Variants in CCDC148 observed in about 807,000 individuals in gnomAD.
The protein encoded by CCDC148 is coiled-coil domain containing 148, also known as coiled-coil domain-containing protein 148.
In CCDC148, 89 loss-of-function variants were observed where a neutral mutation model predicts 85.7. The observed-to-expected ratio is 1.04, with a 90% CI of 0.87 to 1.24. The LOEUF (loss-of-function observed/expected upper bound fraction) is 1.24, where lower values mean the gene tolerates loss of function less well. Ranked by LOEUF, CCDC148 falls within the 50% of genes most tolerant of loss-of-function variation. The pLI is 0.00. For synonymous variants in CCDC148, 230 were observed against 213.9 expected (o/e 1.08, Z -0.66); for missense variants, 692 against 671.7 (o/e 1.03, Z -0.33).
At chr2:158,366,670 T>C (rs1684219073) in intron 1 of CCDC148, among the ~76,000 whole-genome samples, 1 of 152,186 alleles carries the variant, frequency 6.6e-6, no homozygotes, top group Non-Finnish European at 1.5e-5. Flanking sequence ...TAGGACACTC[T>C]GATACATAAT....
intron 1 of CCDC148, among the ~76,000 whole-genome samples, chr2:158,383,695 G>A (rs1379846297): frequency 6.6e-6 from 1 of 152,150 alleles, no homozygotes; most frequent in Non-Finnish European, 1.5e-5. Flanking sequence ...GAGGAAAACT[G>A]TTGCCCTGAT....
chr2:158,447,279 C>T (rs899966419), intron 1 of CCDC148: 1 of 152,380 alleles, frequency 6.6e-6, no homozygotes, highest in Admixed American at 6.5e-5. Flanking sequence ...ACCTGAGCTG[C>T]TTCACCTCTC....
intron 1 of CCDC148, among the ~76,000 whole-genome samples, chr2:158,426,492 T>C (rs1405053244): frequency 6.6e-6 from 1 of 152,176 alleles, no homozygotes; most frequent in Admixed American, 6.5e-5. Flanking sequence ...TTAATGTTGA[T>C]CCAAGTGTTC....
At chr2:158,219,419 T>C (rs1258513280) in intron 11 of CCDC148, among the ~76,000 whole-genome samples, 1 of 152,186 alleles carries the variant, frequency 6.6e-6, no homozygotes, top group Non-Finnish European at 1.5e-5. Context: ...TATCTATCCC[T>C]ACAACTGGCA....
Position 158,309,416 on chromosome 2 carries a change from C to A in CCDC148, c.1110+17G>T, listed in dbSNP as rs375049955. ...AAATATCCAGACAAATACTGAAACA[C>A]CTGTGCAGCATCTTACCTTGGCTTT... On this transcript the variant is annotated intron_variant, in intron 9 of 13. Coordinates refer to ENST00000283233, the MANE Select transcript of CCDC148 (RefSeq NM_138803.4). The A allele has an allele frequency of 3.1e-6, 5 of 1,597,208 alleles. No individual in the cohort carries two copies. The East Asian group carries it at 6.7e-5, about 21-fold the overall frequency.
At chr2:158,368,651 C>A (rs1007285911) in intron 1 of CCDC148, among the ~76,000 whole-genome samples, 12 of 151,936 alleles carry the variant, frequency 7.9e-5, no homozygotes, top group African/African-American at 2.9e-4. Flanking sequence ...TAAGAAATTT[C>A]TTATAGCACA....
At chr2:158,234,318 G>T (rs956353525) in intron 10 of CCDC148, among the ~76,000 whole-genome samples, 2 of 152,098 alleles carry the variant, frequency 1.3e-5, no homozygotes, top group South Asian at 2.1e-4. Context: ...ATCCTGCCTG[G>T]TTATTTGAAC....
intron 10 of CCDC148, among the ~76,000 whole-genome samples, chr2:158,250,051 T>C (rs1258602999): frequency 2.6e-5 from 4 of 152,138 alleles, no homozygotes; most frequent in Non-Finnish European, 4.4e-5. Context: ...ATGGTTCATA[T>C]ATCTGATTAA....
intron 9 of CCDC148, among the ~76,000 whole-genome samples, chr2:158,294,856 T>C (rs1691099597): frequency 6.6e-6 from 1 of 151,284 alleles, no homozygotes; most frequent in African/African-American, 2.4e-5. Context: ...TGCCAAAATG[T>C]TGCACAAAGT....
At chr2:158,404,863 A>G (rs544518439) in intron 1 of CCDC148, among the ~76,000 whole-genome samples, 5 of 152,280 alleles carry the variant, frequency 3.3e-5, no homozygotes, top group South Asian at 2.1e-4. Flanking sequence ...CTGAAAACTT[A>G]TAAGAGTGGA....
intron 7 of CCDC148, among the ~76,000 whole-genome samples, chr2:158,330,499 G>C (rs1223235315): frequency 6.6e-6 from 1 of 152,172 alleles, no homozygotes; most frequent in East Asian, 1.9e-4. Context: ...GCAGGCTTTG[G>C]TATCAGGATG....
intron 11 of CCDC148, among the ~76,000 whole-genome samples, chr2:158,190,130 G>A (rs193232843): frequency 2.6e-3 from 389 of 151,976 alleles, no homozygotes; most frequent in African/African-American, 8.9e-3. Flanking sequence ...TGAATTACTG[G>A]AGAACAAATC....
rs544954666 is a variant in CCDC148 at position 158,285,008 on chromosome 2, C to T, written c.1110+24425G>A. 7.9e-5 allele frequency among the ~76,000 whole-genome samples: 12 copies of T among 152,246 alleles called. No homozygotes were observed. The East Asian group carries it at 2.3e-3, about 29-fold the overall frequency. ...GATATTAAGAATTCAGTGCATTAGG[C>T]TGGGCGTGGTGGCTCATACTTGTAA... On this transcript the variant is annotated intron_variant, in intron 9 of 13. Transcript: ENST00000283233.
At chr2:158,388,788 C>T (rs1472266475) in intron 1 of CCDC148, among the ~76,000 whole-genome samples, 1 of 152,170 alleles carries the variant, frequency 6.6e-6, no homozygotes, top group Admixed American at 6.5e-5. Flanking sequence ...AGCCACCACA[C>T]TGGCCTCTTT....
chr2:158,199,778 C>T (rs547716961), intron 11 of CCDC148, among the ~76,000 whole-genome samples: 24 of 152,118 alleles, frequency 1.6e-4, no homozygotes, highest in Admixed American at 2.6e-4. Context: ...TTATTGGGAA[C>T]GAGCAAATGT....
In CCDC148 at chr2:158,358,433, A is replaced by T; in HGVS notation, c.147+16T>A. 2 of 1,597,364 alleles carry T rather than the reference A, an allele frequency of 1.3e-6. No individual in the cohort carries two copies. Among genetic ancestry groups the T allele is most frequent in the Non-Finnish European group, 1.7e-6 (2 of 1,175,420 alleles). On this transcript the variant is annotated intron_variant, in intron 2 of 13. Transcript: ENST00000283233. ...TTTCTAAAACTAGAAAAACACATAC[A>T]CACACAACTTCTAACCTTTAGCTTT...
intron 11 of CCDC148, among the ~76,000 whole-genome samples, chr2:158,207,954 G>GACACACACACAC (rs34660144): frequency 2.0e-5 from 3 of 148,990 alleles, no homozygotes; most frequent in African/African-American, 4.9e-5. Flanking sequence ...ATTTTGATCT[G>GACACACACACAC]ACACACACAC....
At position 158,305,177 on chromosome 2, in the gene CCDC148, A is replaced by G. The variant is rs78667889; in HGVS notation, c.1110+4256T>C. ...GGAAAAGCCACAAACCCACTAGGGTACAAGTGTGGACCCATCACAACTGGG... is the reference window on the plus strand; with the variant it reads ...GGAAAAGCCACAAACCCACTAGGGTGCAAGTGTGGACCCATCACAACTGGG... On this transcript the variant is annotated intron_variant, in intron 9 of 13. Coordinates refer to ENST00000283233, the MANE Select transcript of CCDC148 (RefSeq NM_138803.4). 8.8e-3 allele frequency among the ~76,000 whole-genome samples: 1,343 copies of G among 152,324 alleles called. 20 individuals carry two copies. The highest frequency in any genetic ancestry group is 0.03 in the African/African-American group (1,236 of 41,566).
intron 1 of CCDC148, among the ~76,000 whole-genome samples, chr2:158,433,091 A>ATATATATATATATATATATATAT (rs57287790): frequency 1.9e-5 from 1 of 51,342 alleles, no homozygotes; most frequent in Non-Finnish European, 4.2e-5. Flanking sequence ...AAAAAAAAAA[A>ATATATATATATATATATATATAT]ATATATATAT....
Sources: allele counts gnomAD v4.1 joint callset (sites outside exome capture counted in the v4.1 genomes callset), GRCh38; gene constraint gnomAD v4.1.1; transcripts MANE v1.5; gene names NCBI Gene and HGNC (gene_info 2026-07-23, HGNC 2026-07-21).